Variants in MAP3K9 observed in about 807,000 individuals in gnomAD.
MAP3K9 encodes the protein mitogen-activated protein kinase kinase kinase 9, also known as mixed lineage kinase 1 (tyr and ser/thr specificity).
A neutral mutation model predicts 95.8 loss-of-function variants in MAP3K9; 46 were observed. The observed-to-expected ratio is 0.48, with a 90% CI of 0.38 to 0.61. The LOEUF (loss-of-function observed/expected upper bound fraction) is 0.61. Among genes scored for constraint, MAP3K9 ranks in the 20% least tolerant of loss-of-function variants. The pLI is 0.00. For missense variants in MAP3K9, 1,296 were observed against 1,474.3 expected, an observed-to-expected ratio of 0.88 and a Z score of 1.98; for synonymous variants, 533 against 593.8, an observed-to-expected ratio of 0.90 and a Z score of 1.49.
At chr14:70,780,053 C>T (rs185337216) in intron 2 of MAP3K9, among the ~76,000 whole-genome samples, 18 of 152,324 alleles carry the variant, frequency 1.2e-4, no homozygotes, top group Admixed American at 1.2e-3. Context: ...GATTGGGATA[C>T]TAGGGTGATA....
At chr14:70,794,693 T>C (rs199821639) in intron 2 of MAP3K9, among the ~76,000 whole-genome samples, 31 of 151,034 alleles carry the variant, frequency 2.1e-4, no homozygotes, top group South Asian at 4.2e-4. Context: ...CTTTTTTTTT[T>C]CCAAGATGTT....
Position 70,742,738 on chromosome 14 carries a change from T to C in MAP3K9, c.1327-147A>G. The stretch of plus-strand genomic sequence containing the variant: ...CAGTGAAGAGAGAGGACTCGATAGC[T>C]GGTAAATGAACATTAGACCACCTTG... On this transcript the variant is annotated intron_variant, in intron 5 of 11. Transcript: ENST00000554752. 3.3e-6 allele frequency: 3 copies of C among 897,964 alleles called. No individual in the cohort carries two copies. In the Admixed American group the frequency reaches 8.7e-5, roughly 26 times the overall value. 55.6% of individuals were successfully genotyped at this position (897,964 alleles called of 1,614,324 possible).
intron 2 of MAP3K9, among the ~76,000 whole-genome samples, chr14:70,762,215 A>G (rs1273498310): frequency 6.6e-6 from 1 of 152,176 alleles, no homozygotes; most frequent in Non-Finnish European, 1.5e-5. Flanking sequence ...ATGTGTATAC[A>G]TATATTTGTA....
chr14:70,791,992 C>T (rs1047594857), intron 2 of MAP3K9, among the ~76,000 whole-genome samples: 1 of 152,206 alleles, frequency 6.6e-6, no homozygotes, highest in Admixed American at 6.5e-5. Flanking sequence ...CGTTCAAGAA[C>T]TGAAAGATGC....
intron 4 of MAP3K9, chr14:70,749,612 G>C (rs190056255): frequency 4.2e-6 from 1 of 239,686 alleles, no homozygotes; most frequent in Non-Finnish European, 8.0e-6. Flanking sequence ...TGTTCTTCAC[G>C]TCTCTTAAGG....
In MAP3K9 at chr14:70,808,979, C is replaced by A. The variant is rs1423200437; in HGVS notation, c.193G>T (p.Ala65Ser). 6.4e-7 allele frequency: 1 copy of A among 1,566,520 alleles called. No homozygotes were observed. The highest frequency in any genetic ancestry group is 8.6e-7 in the Non-Finnish European group (1 of 1,163,288). ...AGGGTCAGCTCGTCCTCGCCCGCCG[C>A]CTCGTACTCGAACACGGCCGTCCAG... is the stretch of plus-strand genomic sequence containing the variant. ...PYWTAVFEYE[A>S]AGEDELTLRL... Residue 65 changes from alanine (A) to serine (S), a missense_variant, in exon 1 of 12, where the codon GCG becomes TCG. By Grantham distance (99) the Ala-to-Ser change is moderately conservative (BLOSUM62 1). Coordinates refer to ENST00000554752, the MANE Select transcript of MAP3K9 (RefSeq NM_001284230.2).
At position 70,802,287 on chromosome 14, in the gene MAP3K9, A is replaced by G. The variant is rs190061548; in HGVS notation, c.407-1207T>C. ...GACTGAAACATGGGAAAGGAGCCTC[A>G]TAAGAGATATCTTACTCCAGCAGTC... On this transcript the variant is annotated intron_variant, in intron 1 of 11. Coordinates refer to ENST00000554752, the MANE Select transcript of MAP3K9 (RefSeq NM_001284230.2). 2.1e-3 allele frequency among the ~76,000 whole-genome samples: 321 copies of G among 152,322 alleles called. 2 individuals carry two copies. The highest frequency in any genetic ancestry group is 0.01 in the Middle Eastern group (3 of 294).
In MAP3K9 at chr14:70,750,770, A is replaced by G. The variant is rs1255238967; in HGVS notation, c.1002-689T>C. Among the ~76,000 whole-genome samples, 4 of 152,244 alleles carry G rather than the reference A, an allele frequency of 2.6e-5. No homozygotes were observed. In the East Asian group the frequency reaches 7.7e-4, roughly 29 times the overall value. ...TCAAAGTGCTGAGATTATAGGCGTGAGCCACCACACCTGGCCTGTTATCAT... is the reference window on the plus strand; with the variant it reads ...TCAAAGTGCTGAGATTATAGGCGTGGGCCACCACACCTGGCCTGTTATCAT... On this transcript the variant is annotated intron_variant, in intron 3 of 11. Coordinates refer to ENST00000554752, the MANE Select transcript of MAP3K9 (RefSeq NM_001284230.2).
At chr14:70,760,405 C>T (rs752619482) in intron 3 of MAP3K9, among the ~76,000 whole-genome samples, 6 of 152,134 alleles carry the variant, frequency 3.9e-5, no homozygotes, top group East Asian at 1.9e-4. Flanking sequence ...TTCTAGTCTG[C>T]GGCTTTGCAG....
intron 2 of MAP3K9, among the ~76,000 whole-genome samples, chr14:70,766,096 A>G (rs1359363666): frequency 6.6e-6 from 1 of 152,108 alleles, no homozygotes; most frequent in Non-Finnish European, 1.5e-5. Flanking sequence ...TTTGGGTGAC[A>G]AGCAGAAGAA....
At chr14:70,749,906 G>C (rs1566740296) in intron 4 of MAP3K9, 27 bp downstream of exon 4, 1 of 1,614,018 alleles carries the variant, frequency 6.2e-7, no homozygotes, top group Non-Finnish European at 8.5e-7. Context: ...AGTGTCTCCA[G>C]TTTGGTTCAG....
At chr14:70,778,057 C>CCT (rs892683041) in intron 2 of MAP3K9, among the ~76,000 whole-genome samples, 5 of 151,536 alleles carry the variant, frequency 3.3e-5, no homozygotes, top group Non-Finnish European at 7.4e-5. Flanking sequence ...TAGGACGGAA[C>CCT]CTCTCTCTCT....
chr14:70,771,772 C>G (rs2054535048), intron 2 of MAP3K9, among the ~76,000 whole-genome samples: 1 of 152,180 alleles, frequency 6.6e-6, no homozygotes, highest in African/African-American at 2.4e-5. Flanking sequence ...CAGAGAAAAG[C>G]CCTATTCATT....
chr14:70,759,648 G>A (rs537720366), intron 3 of MAP3K9, among the ~76,000 whole-genome samples: 2 of 152,272 alleles, frequency 1.3e-5, no homozygotes, highest in South Asian at 4.1e-4. Flanking sequence ...ACGCACTTCT[G>A]TTGCTTTAAG....
Position 70,732,999 on chromosome 14 carries a change from C to G in MAP3K9, c.2370G>C (p.Glu790Asp). The change falls in exon 11 of 12, where the codon GAG (glutamate) becomes GAC (aspartate). Residue 790 changes from glutamate (E) to aspartate (D), a missense_variant. Glu to Asp is a conservative substitution (Grantham distance 45). Transcript: ENST00000554752. ...GAAAAAGACCCTCCCGTCTTTTCTT[C>G]TCCTCCCGGGCTGGTGGCTCAGGCT... ...LEEPEPPARE[E>D]KKRREGLFQR... 6.2e-7 allele frequency: 1 copy of G among 1,614,182 alleles called. No homozygotes were observed. Among genetic ancestry groups the G allele is most frequent in the Non-Finnish European group, 8.5e-7 (1 of 1,180,022 alleles).
In MAP3K9 at chr14:70,737,648, C is replaced by A. The variant is rs369937707; in HGVS notation, c.1844+597G>T. Among the ~76,000 whole-genome samples, 21 of 152,300 alleles carry A rather than the reference C, an allele frequency of 1.4e-4. No individual in the cohort carries two copies. In the East Asian group the frequency reaches 2.3e-3, roughly 17 times the overall value. ...CCTGGAGTTGTATACAACTGTACTA[C>A]CAGGGCTGGGTTATTCTGCCTGCCC... is the stretch of plus-strand genomic sequence containing the variant. On this transcript the variant is annotated intron_variant, in intron 8 of 11. Coordinates refer to ENST00000554752, the MANE Select transcript of MAP3K9 (RefSeq NM_001284230.2).
At chr14:70,782,672 C>G (rs562267115) in intron 2 of MAP3K9, among the ~76,000 whole-genome samples, 19 of 152,352 alleles carry the variant, frequency 1.2e-4, no homozygotes, top group African/African-American at 4.3e-4. Context: ...CAGGCCAAGA[C>G]TAGCTTTGCT....
intron 2 of MAP3K9, among the ~76,000 whole-genome samples, chr14:70,795,187 G>A (rs560806921): frequency 5.1e-4 from 78 of 151,588 alleles, no homozygotes; most frequent in African/African-American, 1.8e-3. Flanking sequence ...TAGTAGAGAT[G>A]GGGTTTCACT....
rs1042066727 is a variant in MAP3K9 at position 70,730,449 on chromosome 14, C to T, written c.3246G>A (p.Pro1082=). 2.8e-5 allele frequency: 46 copies of T among 1,614,082 alleles called. No homozygotes were observed. Among genetic ancestry groups the T allele is most frequent in the Non-Finnish European group, 3.7e-5 (44 of 1,180,052 alleles). ...GTGTGTTCAGTTCCGCTCTGCACAG[C>T]GGCACGGTGCTGTCCTGACTCTGCC... The part of the protein sequence containing the change: ...AEGQSQDSTV[P]LCRAELNTHR... The change falls in exon 12 of 12, where the codon CCG becomes CCA. Residue 1082 remains proline, a synonymous_variant. Coordinates refer to ENST00000554752, the MANE Select transcript of MAP3K9 (RefSeq NM_001284230.2).
Sources: allele counts gnomAD v4.1 joint callset (sites outside exome capture counted in the v4.1 genomes callset), GRCh38; gene constraint gnomAD v4.1.1; transcripts MANE v1.5; gene names NCBI Gene and HGNC (gene_info 2026-07-23, HGNC 2026-07-21).